BABAM2: variants seen among roughly 807,000 people sequenced by gnomAD.
The protein encoded by BABAM2 is BRISC and BRCA1-A complex member 2.
Under a neutral mutation model 54.7 loss-of-function variants are expected in BABAM2, and 31 were observed. The observed-to-expected ratio is 0.57, with a 90% confidence interval of 0.43 to 0.77. The LOEUF is 0.77. Among genes scored for constraint, BABAM2 ranks in the 30% least tolerant of loss-of-function variants. The probability of loss-of-function intolerance (pLI) is 0.00; values close to 1 mark genes in which losing one functional copy is unlikely to be tolerated. For synonymous variants in BABAM2, 167 were observed against 162.9 expected (o/e 1.03, Z -0.19); for missense variants, 364 against 455.8 (o/e 0.80, Z 1.83).
At chr2:28,315,637 T>TTTTA (rs1293557421) in intron 11 of BABAM2, among the ~76,000 whole-genome samples, 23 of 150,696 alleles carry the variant, frequency 1.5e-4, no homozygotes, top group African/African-American at 3.9e-4. Context: ...TGGGCTGATT[T>TTTTA]TTTATTTATT....
intron 10 of BABAM2, among the ~76,000 whole-genome samples, chr2:28,262,133 G>A (rs1684595392): frequency 6.6e-6 from 1 of 152,160 alleles, no homozygotes; most frequent in Non-Finnish European, 1.5e-5. Flanking sequence ...GGCACAGAGG[G>A]AAGAAATCTT....
intron 7 of BABAM2, among the ~76,000 whole-genome samples, chr2:28,156,725 A>C (rs1303587352): frequency 6.6e-6 from 1 of 152,192 alleles, no homozygotes; most frequent in Non-Finnish European, 1.5e-5. Flanking sequence ...TGAAGCAGAC[A>C]TATGGAATTT....
intron 7 of BABAM2, among the ~76,000 whole-genome samples, chr2:28,167,956 G>A (rs919705961): frequency 6.6e-6 from 1 of 152,158 alleles, no homozygotes; most frequent in African/African-American, 2.4e-5. Flanking sequence ...GAAGAAACAG[G>A]CTTAGAGAAG....
At chr2:28,199,780 T>G (rs1324763979) in intron 7 of BABAM2, among the ~76,000 whole-genome samples, 1 of 152,186 alleles carries the variant, frequency 6.6e-6, no homozygotes, top group African/African-American at 2.4e-5. Flanking sequence ...ACCTGCAGAC[T>G]GATTAGTTTC....
At chr2:27,939,243 G>A (rs1453568422) in intron 3 of BABAM2, among the ~76,000 whole-genome samples, 3 of 152,154 alleles carry the variant, frequency 2.0e-5, no homozygotes, top group African/African-American at 7.2e-5. Flanking sequence ...GAGCCACCGC[G>A]CTTGGCCAGT....
chr2:28,142,545 C>T (rs943198703), intron 7 of BABAM2, among the ~76,000 whole-genome samples: 7 of 152,222 alleles, frequency 4.6e-5, no homozygotes, highest in Admixed American at 6.5e-5. Flanking sequence ...TTAATCCCTC[C>T]TCTCCCTACT....
intron 5 of BABAM2, among the ~76,000 whole-genome samples, chr2:28,044,027 G>A (rs534658060): frequency 1.3e-5 from 2 of 152,108 alleles, no homozygotes; most frequent in Non-Finnish European, 1.5e-5. Flanking sequence ...TCTCATTTCC[G>A]CCTTGTCTGT....
intron 7 of BABAM2, among the ~76,000 whole-genome samples, chr2:28,142,525 C>T (rs2147748484): frequency 6.6e-6 from 1 of 152,128 alleles, no homozygotes; most frequent in South Asian, 2.1e-4. Flanking sequence ...AGAATTTTCC[C>T]TCCCACTTTT....
intron 7 of BABAM2, among the ~76,000 whole-genome samples, chr2:28,147,346 T>C (rs1298023998): frequency 2.0e-5 from 3 of 152,250 alleles, no homozygotes; most frequent in Non-Finnish European, 4.4e-5. Context: ...AGAACTCTCA[T>C]TAAACAGATT....
At chr2:28,153,521 T>C (rs1672252350) in intron 7 of BABAM2, among the ~76,000 whole-genome samples, 1 of 152,234 alleles carries the variant, frequency 6.6e-6, no homozygotes, top group Admixed American at 6.5e-5. Flanking sequence ...TAAAAATTAA[T>C]ACATTACACT....
intron 11 of BABAM2, among the ~76,000 whole-genome samples, chr2:28,332,956 G>A (rs1691092977): frequency 6.6e-6 from 1 of 152,126 alleles, no homozygotes; most frequent in Non-Finnish European, 1.5e-5. Flanking sequence ...TGAGAAGGGA[G>A]GGCCTGATCC....
intron 11 of BABAM2, among the ~76,000 whole-genome samples, chr2:28,306,827 G>A (rs1281304068): frequency 6.6e-6 from 1 of 151,318 alleles, no homozygotes; most frequent in Non-Finnish European, 1.5e-5. Context: ...CTCCCGAGTA[G>A]CTGGGACTAC....
chr2:28,063,797 G>T (rs140979984), intron 6 of BABAM2, among the ~76,000 whole-genome samples: 1 of 152,248 alleles, frequency 6.6e-6, no homozygotes, highest in African/African-American at 2.4e-5. Flanking sequence ...ATGTGAGTAT[G>T]ATTTGGGTTC....
intron 5 of BABAM2, among the ~76,000 whole-genome samples, chr2:28,030,640 T>A (rs1391932293): frequency 6.6e-6 from 1 of 152,224 alleles, no homozygotes; most frequent in African/African-American, 2.4e-5. Flanking sequence ...ACCAAGAGTC[T>A]GGAGATAAAC....
At chr2:27,914,632 A>G (rs1392851712) in intron 2 of BABAM2, among the ~76,000 whole-genome samples, 1 of 152,214 alleles carries the variant, frequency 6.6e-6, no homozygotes, top group Non-Finnish European at 1.5e-5. Flanking sequence ...GTTACAAACC[A>G]CTGATAGCTG....
chr2:28,219,194 G>A (rs1159978220), intron 7 of BABAM2, among the ~76,000 whole-genome samples: 1 of 152,182 alleles, frequency 6.6e-6, no homozygotes, highest in Non-Finnish European at 1.5e-5. Context: ...CTTTCAGGTT[G>A]TTCAGAGAGT....
intron 10 of BABAM2, among the ~76,000 whole-genome samples, chr2:28,260,299 C>CTTTTTTTTTTTTTTTTT (rs965855673): frequency 4.2e-5 from 5 of 120,420 alleles, no homozygotes; most frequent in Non-Finnish European, 5.3e-5. Context: ...TATTTCTTTT[C>CTTTTTTTTTTTTTTTTT]TTTTTTTTTT....
At chr2:28,020,942 C>T (rs1326853711) in intron 4 of BABAM2, among the ~76,000 whole-genome samples, 2 of 124,364 alleles carry the variant, frequency 1.6e-5, no homozygotes, top group Non-Finnish European at 3.3e-5. Context: ...CTAAGACTCT[C>T]TGTCTCTCTG....
At chr2:27,890,695 G>A (rs1350194199), upstream of BABAM2, 3 of 173,986 alleles carry the variant, frequency 1.7e-5, no homozygotes, top group African/African-American at 7.1e-5. This position sits in a 1 kb window ranked among gnomAD's most constrained non-coding sequence, Gnocchi z 4.8. Flanking sequence ...GCCCAGCTTC[G>A]GGGCCGCAGA....
Sources: allele counts gnomAD v4.1 joint callset (sites outside exome capture counted in the v4.1 genomes callset), GRCh38; gene constraint gnomAD v4.1.1; non-coding constraint Gnocchi (gnomAD v3.1); transcripts MANE v1.5; gene names NCBI Gene and HGNC (gene_info 2026-07-23, HGNC 2026-07-21).